Variants in NCOR1 observed in about 807,000 individuals in gnomAD.
The protein encoded by NCOR1 is nuclear receptor corepressor 1.
A neutral mutation model predicts 288.1 loss-of-function variants in NCOR1; 63 were observed. The ratio of observed to expected loss-of-function variants is 0.22; its 90% CI spans 0.18 to 0.27. The LOEUF (loss-of-function observed/expected upper bound fraction) is 0.27. Ranked by LOEUF, NCOR1 falls within the 10% of genes least tolerant of loss-of-function variation. The pLI, the probability that NCOR1 is intolerant of heterozygous loss-of-function variation, is 1.00. For synonymous variants in NCOR1, 1,007 were observed against 1,065.9 expected, an observed-to-expected ratio of 0.94 and a Z score of 1.08; for missense variants, 2,397 against 3,019.2, an observed-to-expected ratio of 0.79 and a Z score of 4.83.
rs2079252003 is a variant in NCOR1 at position 16,153,840 on chromosome 17, T to G, written c.733-445A>C. Among the ~76,000 whole-genome samples, 3 of 152,106 alleles carry G rather than the reference T, an allele frequency of 2.0e-5. No individual in the cohort carries two copies. In the South Asian group the frequency reaches 6.2e-4, roughly 31 times the overall value. On this transcript the variant is annotated intron_variant, in intron 6 of 45. Transcript: ENST00000268712. ...AAAATACCATAAAATGGCCACTCTT[T>G]ACTATGGTGAGCAACATTGATCTCT... is the stretch of plus-strand genomic sequence containing the variant.
At chr17:16,130,988 ATTTTT>A (rs773227977) in intron 14 of NCOR1, among the ~76,000 whole-genome samples, 1 of 121,776 alleles carries the variant, frequency 8.2e-6, no homozygotes, top group Non-Finnish European at 1.7e-5. Context: ...CGCACCTGGA[ATTTTT>A]TTTTTTTTTT....
chr17:16,204,225 G>A (rs2091219744), intron 1 of NCOR1, among the ~76,000 whole-genome samples: 2 of 152,082 alleles, frequency 1.3e-5, no homozygotes, highest in African/African-American at 4.8e-5. Context: ...TTCTAATAGT[G>A]GGGCAAAAAA....
chr17:16,171,322 A>G (rs1173136080), intron 4 of NCOR1, among the ~76,000 whole-genome samples: 1 of 152,174 alleles, frequency 6.6e-6, no homozygotes, highest in Non-Finnish European at 1.5e-5. Context: ...TTCTATAAGT[A>G]TGTATTACTT....
At chr17:16,044,168 CAAAA>C (rs34691717) in intron 42 of NCOR1, among the ~76,000 whole-genome samples, 14 of 82,794 alleles carry the variant, frequency 1.7e-4, no homozygotes, top group Non-Finnish European at 2.1e-4. Context: ...GACTCCATCT[CAAAA>C]AAAAAAAAAA....
rs925262647 is a variant in NCOR1, at chr17:16,032,420, G to A, written c.7199C>T (p.Pro2400Leu). 8.1e-6 allele frequency: 13 copies of A among 1,613,866 alleles called. No homozygotes were observed. The highest frequency in any genetic ancestry group is 1.6e-4 in the Middle Eastern group (1 of 6,082). The change falls in exon 46 of 46, where the codon CCG becomes CTG. Residue 2400 changes from proline (P) to leucine (L), a missense_variant. Coordinates refer to ENST00000268712, the MANE Select transcript of NCOR1 (RefSeq NM_006311.4). ...CACCGCAGAGGGAGCACATGCAATCGGTGTTGGTGGAGTACTGCTGAGCAT... is the reference window on the plus strand; with the variant it reads ...CACCGCAGAGGGAGCACATGCAATCAGTGTTGGTGGAGTACTGCTGAGCAT... ...MRMLSSTPPT[P>L]IACAPSAVNQ...
At chr17:16,100,958 A>T (rs762089128) in intron 20 of NCOR1, among the ~76,000 whole-genome samples, 15 of 152,314 alleles carry the variant, frequency 9.8e-5, no homozygotes, top group Middle Eastern at 3.4e-3. Flanking sequence ...CACAACAGTT[A>T]TCTGTGGTTT....
chr17:16,174,942 G>A (rs1013197643), intron 3 of NCOR1, among the ~76,000 whole-genome samples: 3 of 151,654 alleles, frequency 2.0e-5, no homozygotes, highest in Non-Finnish European at 2.9e-5. Flanking sequence ...ACTTGTACAC[G>A]AATATTCACA....
Position 16,079,604 on chromosome 17 carries a change from C to A in NCOR1, c.3501+360G>T, listed in dbSNP as rs61218628. On this transcript the variant is annotated intron_variant, in intron 26 of 45. Transcript: ENST00000268712. ...CTGAGATTCTACAACTACATCTCCA[C>A]CAGGGCAAAAGTAAGCAAATAATTC... Among the ~76,000 whole-genome samples, 1,063 of 152,190 alleles carry A rather than the reference C, an allele frequency of 7.0e-3. 11 individuals carry two copies. The highest frequency in any genetic ancestry group is 0.025 in the African/African-American group (1,022 of 41,452).
intron 28 of NCOR1, 48 bp from the exon 29 acceptor site, chr17:16,072,276 C>T (rs1567838219): frequency 7.4e-7 from 1 of 1,353,094 alleles, no homozygotes; most frequent in Admixed American, 1.8e-5. Flanking sequence ...ATGTATATGT[C>T]AACTCACATA....
At chr17:16,166,609 G>A (rs1408938817) in intron 4 of NCOR1, among the ~76,000 whole-genome samples, 2 of 152,036 alleles carry the variant, frequency 1.3e-5, no homozygotes, top group Non-Finnish European at 1.5e-5. Flanking sequence ...GAACCCAGGA[G>A]GCAGAGGTTG....
intron 1 of NCOR1, among the ~76,000 whole-genome samples, chr17:16,208,192 C>T (rs971788373): frequency 6.8e-6 from 1 of 147,776 alleles, no homozygotes; most frequent in South Asian, 2.2e-4. Flanking sequence ...AGGCGCGTGC[C>T]ACCATGCCCA....
chr17:16,121,750 C>G (rs2073066093), intron 15 of NCOR1, among the ~76,000 whole-genome samples: 1 of 152,162 alleles, frequency 6.6e-6, no homozygotes, highest in African/African-American at 2.4e-5. Flanking sequence ...CAGTAATAAT[C>G]TACAATATTG....
At chr17:16,180,381 T>A (rs185567079) in intron 3 of NCOR1, among the ~76,000 whole-genome samples, 2 of 152,238 alleles carry the variant, frequency 1.3e-5, no homozygotes, top group East Asian at 3.9e-4. Flanking sequence ...CCCAAAGAAA[T>A]TAAAAATACA....
intron 18 of NCOR1, among the ~76,000 whole-genome samples, chr17:16,117,611 T>A (rs939163578): frequency 6.7e-6 from 1 of 150,110 alleles, no homozygotes; most frequent in Admixed American, 6.6e-5. Context: ...TCACCTGAGG[T>A]CTGGAGTTCG....
chr17:16,143,323 T>A (rs1347902443), intron 11 of NCOR1, among the ~76,000 whole-genome samples: 2 of 152,274 alleles, frequency 1.3e-5, no homozygotes, highest in Admixed American at 6.5e-5. Flanking sequence ...CGCCTATACA[T>A]CCCTACCACT....
chr17:16,188,235 C>T (rs891080331), intron 2 of NCOR1, among the ~76,000 whole-genome samples: 2 of 152,142 alleles, frequency 1.3e-5, no homozygotes, highest in African/African-American at 4.8e-5. Flanking sequence ...GAGAGCCCTT[C>T]TCTATAAGTT....
chr17:16,179,573 C>A (rs1327403088), intron 3 of NCOR1, among the ~76,000 whole-genome samples: 1 of 152,132 alleles, frequency 6.6e-6, no homozygotes, highest in Admixed American at 6.5e-5. Flanking sequence ...CTCCTAAACT[C>A]TTCCAAAAAA....
intron 26 of NCOR1, among the ~76,000 whole-genome samples, chr17:16,076,960 T>C (rs892611393): frequency 6.6e-6 from 1 of 152,204 alleles, no homozygotes; most frequent in Non-Finnish European, 1.5e-5. Context: ...AACACCTGTG[T>C]CACACAACCA....
At chr17:16,092,697 T>TATA (rs112562079) in intron 21 of NCOR1, among the ~76,000 whole-genome samples, 14 of 30,130 alleles carry the variant, frequency 4.6e-4, no homozygotes, top group East Asian at 5.4e-3. Flanking sequence ...ATATATATAT[T>TATA]TTTTTTTTTT....
Sources: gnomAD v4.1 joint callset for allele counts (sites outside exome capture counted in the v4.1 genomes callset) on GRCh38, gnomAD v4.1.1 for gene constraint, MANE v1.5 for transcripts, NCBI Gene and HGNC (gene_info 2026-07-23, HGNC 2026-07-21) for gene names.